Variants in OLFM1 observed in about 807,000 individuals in gnomAD.
OLFM1 encodes noelin.
OLFM1 carries 9 observed loss-of-function variants against 49.7 expected under a neutral mutation model. The ratio of observed to expected loss-of-function variants is 0.18; its 90% confidence interval spans 0.11 to 0.32. The LOEUF is 0.32. OLFM1 is among the 10% of genes least tolerant of loss of function. The pLI, the probability that OLFM1 is intolerant of heterozygous loss-of-function variation, is 1.00. For synonymous variants in OLFM1, 240 were observed against 271.8 expected, an observed-to-expected ratio of 0.88 and a Z score of 1.15; for missense variants, 369 against 661.8, an observed-to-expected ratio of 0.56 and a Z score of 4.85.
chr9:135,094,782 C>T (rs974573174), intron 2 of OLFM1, among the ~76,000 whole-genome samples: 1 of 152,168 alleles, frequency 6.6e-6, no homozygotes, highest in African/African-American at 2.4e-5. Flanking sequence ...GTAGAAACCA[C>T]ACTGTCCTCT....
chr9:135,110,950 G>A (rs1831013966), intron 5 of OLFM1, among the ~76,000 whole-genome samples: 1 of 152,232 alleles, frequency 6.6e-6, no homozygotes, highest in Non-Finnish European at 1.5e-5. Context: ...CCACTTCCCG[G>A]GGGCTGCATC....
intron 5 of OLFM1, among the ~76,000 whole-genome samples, chr9:135,116,892 A>C (rs768008470): frequency 6.6e-6 from 1 of 150,888 alleles, no homozygotes; most frequent in Non-Finnish European, 1.5e-5. Context: ...AAAAAAAAAG[A>C]TCTCATTAAA....
At chr9:135,093,482 A>G (rs1170860579) in intron 2 of OLFM1, among the ~76,000 whole-genome samples, 1 of 152,226 alleles carries the variant, frequency 6.6e-6, no homozygotes, top group African/African-American at 2.4e-5. Flanking sequence ...AGATCAAATG[A>G]GATAAATAAC....
chr9:135,075,700 G>T, exon 1 of OLFM1: 4 of 1,590,042 alleles, frequency 2.5e-6, no homozygotes, highest in Admixed American at 1.7e-5. Context: ...AGCACCCAGG[G>T]CCCTGCATGC....
intron 4 of OLFM1, among the ~76,000 whole-genome samples, chr9:135,104,975 C>T (rs184047507): frequency 2.0e-5 from 3 of 152,262 alleles, no homozygotes; most frequent in East Asian, 1.9e-4. Flanking sequence ...TCCCCATAGA[C>T]GCCGGTCAGC....
At chr9:135,099,012 G>T (rs909373064) in intron 4 of OLFM1, among the ~76,000 whole-genome samples, 2 of 152,214 alleles carry the variant, frequency 1.3e-5, no homozygotes, top group Non-Finnish European at 2.9e-5. Flanking sequence ...AAGGGGAGGA[G>T]CCTCTGAGCA....
chr9:135,113,345 C>T lies in OLFM1; in HGVS notation c.784-6159C>T, dbSNP rs1287401027. The stretch of plus-strand genomic sequence containing the variant: ...TATGGCCTTCTTCCTTTGGGTGGTG[C>T]CTGGGCCTGATGAGCTCCAGCAGGC... On this transcript the variant is annotated intron_variant, in intron 5 of 5. Coordinates refer to ENST00000371793, the MANE Select transcript of OLFM1 (RefSeq NM_001282611.2). The surrounding 1 kb of genome is among the most constrained non-coding windows in gnomAD (Gnocchi z 4.0). Among the ~76,000 whole-genome samples, 2 of 152,142 alleles carry T rather than the reference C, an allele frequency of 1.3e-5. No individual in the cohort carries two copies. The highest frequency in any genetic ancestry group is 2.4e-5 in the African/African-American group (1 of 41,420).
In OLFM1 at chr9:135,087,895, GC is replaced by G; in HGVS notation, c.-91del. ...AGGGGGCGCGGGGACACAGCCAGGC[GC>G]CCCTGCCCGCCGCGGTGCCCGCCGC... On this transcript the variant is annotated 5_prime_UTR_variant, in exon 1 of 6. It removes the in-frame stop codon of an upstream open reading frame in the 5' UTR. Transcript: ENST00000371793. 1 of 1,093,900 alleles carries G rather than the reference GC, an allele frequency of 9.1e-7. No individual in the cohort carries two copies. Among genetic ancestry groups the G allele is most frequent in the Non-Finnish European group, 1.1e-6 (1 of 897,804 alleles). The allele number at this position is 1,093,900 out of a possible 1,614,324, so 67.8% of individuals were successfully genotyped here.
intron 5 of OLFM1, among the ~76,000 whole-genome samples, chr9:135,114,800 C>A (rs1406350346): frequency 6.6e-6 from 1 of 152,152 alleles, no homozygotes; most frequent in Non-Finnish European, 1.5e-5. Flanking sequence ...AAGGTTCACA[C>A]AGGCCACACC....
At chr9:135,101,895 G>T (rs527661997) in intron 4 of OLFM1, among the ~76,000 whole-genome samples, 2 of 152,220 alleles carry the variant, frequency 1.3e-5, no homozygotes, top group African/African-American at 4.8e-5. Flanking sequence ...GATTTGAAGG[G>T]CTCCTCCCAG....
chr9:135,119,677 C>T lies in OLFM1; in HGVS notation c.957C>T (p.Ile319=), dbSNP rs150275179. ...ACTTCAACAAGTTCCAGAGCCACAT[C>T]ATCATCAGGTTTGACCTGAAGACAG... The part of the protein sequence containing the change: ...SIYFNKFQSH[I]IIRFDLKTET... Residue 319 remains isoleucine, a synonymous_variant, in exon 6 of 6, where the codon ATC becomes ATT. Coordinates refer to ENST00000371793, the MANE Select transcript of OLFM1 (RefSeq NM_001282611.2). 2 of 1,614,090 alleles carry T rather than the reference C, an allele frequency of 1.2e-6. No homozygotes were observed. Among genetic ancestry groups the T allele is most frequent in the African/African-American group, 2.7e-5 (2 of 74,936 alleles).
In OLFM1 at chr9:135,088,965, C is replaced by T. The variant is rs749682722; in HGVS notation, c.150+826C>T. Among the ~76,000 whole-genome samples the T allele has an allele frequency of 6.6e-6, 1 of 152,196 alleles. No individual in the cohort carries two copies. Among genetic ancestry groups the T allele is most frequent in the Non-Finnish European group, 1.5e-5 (1 of 68,034 alleles). ...GCGAGGCTGAGCTGAAACCGCCACCCGGAGGGCCGCGCGGGGAAGGGGCCG... is the reference window on the plus strand; with the variant it reads ...GCGAGGCTGAGCTGAAACCGCCACCTGGAGGGCCGCGCGGGGAAGGGGCCG... On this transcript the variant is annotated intron_variant, in intron 1 of 5. Transcript: ENST00000371793. The surrounding 1 kb of genome is among the most constrained non-coding windows in gnomAD (Gnocchi z 4.8).
chr9:135,076,151 G>A, intron 1 of OLFM1: 1 of 1,550,030 alleles, frequency 6.5e-7, no homozygotes, highest in Non-Finnish European at 8.7e-7. Context: ...AAGAGTGAGA[G>A]CCGGATAGCC....
At chr9:135,084,816 G>A (rs1830577681), upstream of OLFM1, among the ~76,000 whole-genome samples, 1 of 152,150 alleles carries the variant, frequency 6.6e-6, no homozygotes, top group Admixed American at 6.5e-5. This position sits in a 1 kb window ranked among gnomAD's most constrained non-coding sequence, Gnocchi z 4.6. Context: ...TCTGGGACCT[G>A]AGTAGGTTTG....
chr9:135,082,317 G>C (rs1830543375), intron 1 of OLFM1, among the ~76,000 whole-genome samples: 1 of 152,148 alleles, frequency 6.6e-6, no homozygotes, highest in African/African-American at 2.4e-5. Flanking sequence ...TTCCATTCCA[G>C]CTAGTGGTTT....
chr9:135,105,346 G>A (rs1017561463), intron 4 of OLFM1, among the ~76,000 whole-genome samples: 3 of 152,224 alleles, frequency 2.0e-5, no homozygotes, highest in African/African-American at 7.2e-5. Context: ...TTTTCTGTGG[G>A]CAGTGGGCTC....
intron 1 of OLFM1, 56 bp from the exon 2 acceptor site, chr9:135,090,139 C>G: frequency 6.6e-7 from 1 of 1,512,736 alleles, no homozygotes; most frequent in African/African-American, 1.4e-5. Context: ...TGATACACAA[C>G]CTCATGGTCT....
chr9:135,092,463 A>G (rs566657988), intron 2 of OLFM1, among the ~76,000 whole-genome samples: 29 of 152,348 alleles, frequency 1.9e-4, no homozygotes, highest in Middle Eastern at 3.4e-3. Context: ...TTTTAAAAGA[A>G]TTAAAGTAAG....
At chr9:135,077,122 G>C in intron 1 of OLFM1, 1 of 1,550,502 alleles carries the variant, frequency 6.4e-7, no homozygotes, top group Non-Finnish European at 8.7e-7. Flanking sequence ...GTTGTGCACT[G>C]TTGCTGGACA....
Sources: allele counts gnomAD v4.1 joint callset (sites outside exome capture counted in the v4.1 genomes callset), GRCh38; gene constraint gnomAD v4.1.1; non-coding constraint Gnocchi (gnomAD v3.1); transcripts MANE v1.5; gene names NCBI Gene and HGNC (gene_info 2026-07-23, HGNC 2026-07-21).